EXOC6B: variants seen among roughly 807,000 people sequenced by gnomAD.
EXOC6B encodes the protein exocyst complex component 6B.
Under a neutral mutation model 113.5 loss-of-function variants are expected in EXOC6B, and 54 were observed. That is an observed-to-expected ratio of 0.48 (90% CI 0.38 to 0.60). The LOEUF is 0.60. EXOC6B is among the 20% of genes least tolerant of loss of function. EXOC6B has a pLI of 0.00. For synonymous variants in EXOC6B, 357 were observed against 339.0 expected (o/e 1.05, Z -0.58); for missense variants, 797 against 977.5 (o/e 0.82, Z 2.46).
At chr2:72,410,119 T>C (rs1166548934) in intron 18 of EXOC6B, among the ~76,000 whole-genome samples, 1 of 152,214 alleles carries the variant, frequency 6.6e-6, no homozygotes, top group Non-Finnish European at 1.5e-5. Flanking sequence ...CTGACAAAAT[T>C]GGTTCTGACA....
Position 72,825,718 on chromosome 2 carries a change from G to C in EXOC6B, c.113+80C>G, listed in dbSNP as rs894285534. The C allele has an allele frequency of 7.0e-5, 100 of 1,425,244 alleles. No individual in the cohort carries two copies. The highest frequency in any genetic ancestry group is 9.0e-5 in the Non-Finnish European group (97 of 1,082,796). 88.3% of individuals were successfully genotyped at this position (1,425,244 alleles called of 1,614,324 possible). A position where few individuals can be genotyped will look rare whatever the true frequency, so the allele number is the denominator to read the frequency against. On this transcript the variant is annotated intron_variant, in intron 1 of 21. Coordinates refer to ENST00000272427, the MANE Select transcript of EXOC6B (RefSeq NM_015189.3). The surrounding 1 kb of genome is among the most constrained non-coding windows in gnomAD (Gnocchi z 4.4). ...GGGGCCGGCGCCGGACCTGGGGACA[G>C]CCGGCCGGAGGCCCGACCCAGAGGA...
intron 1 of EXOC6B, among the ~76,000 whole-genome samples, chr2:72,805,127 G>A (rs1236886386): frequency 6.6e-6 from 1 of 152,144 alleles, no homozygotes; most frequent in Non-Finnish European, 1.5e-5. Context: ...AGCAATATGG[G>A]ACTTGTCCTC....
At chr2:72,325,922 T>C (rs1688101647) in intron 20 of EXOC6B, among the ~76,000 whole-genome samples, 1 of 152,102 alleles carries the variant, frequency 6.6e-6, no homozygotes, top group South Asian at 2.1e-4. Flanking sequence ...TGCTTGTAAC[T>C]GTGGCTCCCA....
At chr2:72,501,257 C>T (rs1441363330) in intron 11 of EXOC6B, among the ~76,000 whole-genome samples, 1 of 152,040 alleles carries the variant, frequency 6.6e-6, no homozygotes, top group East Asian at 1.9e-4. Context: ...CATGAGTAGC[C>T]CAGTGCCCTC....
chr2:72,459,141 G>A (rs1697453303), intron 18 of EXOC6B, among the ~76,000 whole-genome samples: 1 of 152,124 alleles, frequency 6.6e-6, no homozygotes, highest in Non-Finnish European at 1.5e-5. Context: ...AAAGGCCTTT[G>A]ACAAAATTCA....
chr2:72,748,017 CA>C (rs1156646472), intron 1 of EXOC6B, among the ~76,000 whole-genome samples: 1 of 151,946 alleles, frequency 6.6e-6, no homozygotes, highest in Non-Finnish European at 1.5e-5. Context: ...GGAGGTCCTC[CA>C]TATAAGATGA....
At chr2:72,210,534 C>G (rs1010034507) in intron 20 of EXOC6B, among the ~76,000 whole-genome samples, 1 of 152,214 alleles carries the variant, frequency 6.6e-6, no homozygotes, top group Admixed American at 6.5e-5. Flanking sequence ...ACTGCCCCCT[C>G]TCCTGACCTG....
At chr2:72,766,930 T>TGACA (rs1683098578) in intron 1 of EXOC6B, among the ~76,000 whole-genome samples, 1 of 127,930 alleles carries the variant, frequency 7.8e-6, no homozygotes. Flanking sequence ...CCAGCTTGGG[T>TGACA]GACAGAGTGA....
intron 18 of EXOC6B, among the ~76,000 whole-genome samples, chr2:72,448,523 T>C (rs1294700367): frequency 6.6e-6 from 1 of 152,206 alleles, no homozygotes; most frequent in Non-Finnish European, 1.5e-5. Context: ...ATTAAAGATA[T>C]CTATTACCAT....
chr2:72,636,214 T>A (rs778271145), intron 6 of EXOC6B, among the ~76,000 whole-genome samples: 69 of 149,920 alleles, frequency 4.6e-4, no homozygotes, highest in Non-Finnish European at 5.2e-4. Flanking sequence ...AGTGAAACCA[T>A]GTATTAAATA....
At chr2:72,496,637 T>C in intron 13 of EXOC6B, 78 bp from the exon 14 acceptor site, 1 of 828,956 alleles carries the variant, frequency 1.2e-6, no homozygotes, top group Non-Finnish European at 2.0e-6. Context: ...AGAGGGAAGG[T>C]GGGTTAATCA....
chr2:72,733,790 T>A (rs1242754676), intron 2 of EXOC6B, among the ~76,000 whole-genome samples: 3 of 152,204 alleles, frequency 2.0e-5, no homozygotes, highest in Admixed American at 6.5e-5. Flanking sequence ...GATAGTAATT[T>A]CCTCATCATC....
intron 19 of EXOC6B, among the ~76,000 whole-genome samples, chr2:72,335,573 C>T (rs1244935637): frequency 6.6e-6 from 1 of 151,426 alleles, no homozygotes; most frequent in Non-Finnish European, 1.5e-5. Context: ...CACACACACA[C>T]ACACACACAC....
At chr2:72,180,956 T>A (rs1051925345) in intron 21 of EXOC6B, among the ~76,000 whole-genome samples, 30 of 152,154 alleles carry the variant, frequency 2.0e-4, no homozygotes, top group Non-Finnish European at 3.7e-4. Flanking sequence ...ACGCCTGTAA[T>A]CCCAGCACTT....
chr2:72,589,603 C>CACT (rs1237118933), intron 6 of EXOC6B, among the ~76,000 whole-genome samples: 1 of 151,818 alleles, frequency 6.6e-6, no homozygotes, highest in African/African-American at 2.4e-5. Flanking sequence ...GCAGGTCTAT[C>CACT]TGGTAATTTG....
Position 72,558,646 on chromosome 2 carries a change from G to A in EXOC6B, c.915+807C>T, listed in dbSNP as rs573412666. On this transcript the variant is annotated intron_variant, in intron 8 of 21. Coordinates refer to ENST00000272427, the MANE Select transcript of EXOC6B (RefSeq NM_015189.3). ...TAGCTGAGCGTGGTGGCACATGCCT[G>A]TAATCCCAGCTACTCGAGAGGCTGA... Among the ~76,000 whole-genome samples the A allele has an allele frequency of 2.0e-5, 3 of 152,264 alleles. No individual in the cohort carries two copies. In the South Asian group the frequency reaches 6.2e-4, roughly 32 times the overall value.
chr2:72,291,672 A>G (rs1685801183), intron 20 of EXOC6B, among the ~76,000 whole-genome samples: 1 of 152,174 alleles, frequency 6.6e-6, no homozygotes, highest in Non-Finnish European at 1.5e-5. Context: ...CAGTGTGAAA[A>G]ACTGATCAAA....
In EXOC6B at chr2:72,286,218, T is replaced by A. The variant is rs189559389; in HGVS notation, c.2196+48729A>T. Among the ~76,000 whole-genome samples the A allele has an allele frequency of 1.5e-4, 23 of 152,344 alleles. No homozygotes were observed. The East Asian group carries it at 3.9e-3, about 26-fold the overall frequency. ...TGAATGTTTATAGCAACTACAGTCA[T>A]AATTGCTGAAACTTGGAAGCAATCA... On this transcript the variant is annotated intron_variant, in intron 20 of 21. Coordinates refer to ENST00000272427, the MANE Select transcript of EXOC6B (RefSeq NM_015189.3).
intron 18 of EXOC6B, among the ~76,000 whole-genome samples, chr2:72,431,500 T>TCTAC (rs1029026028): frequency 1.3e-5 from 2 of 150,578 alleles, no homozygotes; most frequent in Admixed American, 6.6e-5. Context: ...TATCTATCTA[T>TCTAC]CTATCTATCT....
Sources: gnomAD v4.1 joint callset for allele counts (sites outside exome capture counted in the v4.1 genomes callset) on GRCh38, gnomAD v4.1.1 for gene constraint, Gnocchi (gnomAD v3.1) non-coding constraint, MANE v1.5 for transcripts, NCBI Gene and HGNC (gene_info 2026-07-23, HGNC 2026-07-21) for gene names.